Variants in KCNH8 observed in about 807,000 individuals in gnomAD.
The protein encoded by KCNH8 is voltage-gated delayed rectifier potassium channel KCNH8.
Under a neutral mutation model 103.6 loss-of-function variants are expected in KCNH8, and 70 were observed. That is an observed-to-expected ratio of 0.68 (90% CI 0.56 to 0.82). The LOEUF (loss-of-function observed/expected upper bound fraction) is 0.82, where lower values mean the gene tolerates loss of function less well. Among genes scored for constraint, KCNH8 ranks in the 40% least tolerant of loss-of-function variants. The probability of loss-of-function intolerance (pLI) is 0.00; values close to 1 mark genes in which losing one functional copy is unlikely to be tolerated. For synonymous variants in KCNH8, 498 were observed against 489.4 expected, an observed-to-expected ratio of 1.02 and a Z score of -0.23; for missense variants, 1,217 against 1,329.9, an observed-to-expected ratio of 0.92 and a Z score of 1.32.
intron 12 of KCNH8, among the ~76,000 whole-genome samples, chr3:19,511,660 A>G (rs1006283166): frequency 2.0e-5 from 3 of 152,152 alleles, no homozygotes; most frequent in African/African-American, 7.2e-5. Context: ...AACAAACAAG[A>G]GTAACATCAT....
chr3:19,521,186 C>T (rs1248345574), intron 15 of KCNH8, among the ~76,000 whole-genome samples: 2 of 151,936 alleles, frequency 1.3e-5, no homozygotes, highest in Non-Finnish European at 2.9e-5. Context: ...ATCTGGCTGA[C>T]CCAGAAAGAT....
chr3:19,371,290 A>G (rs2066090354), intron 5 of KCNH8, among the ~76,000 whole-genome samples: 2 of 151,372 alleles, frequency 1.3e-5, no homozygotes, highest in African/African-American at 4.8e-5. Flanking sequence ...TGACTTTTTA[A>G]TGATTGCCAT....
At chr3:19,266,330 A>T (rs1188087087) in intron 2 of KCNH8, among the ~76,000 whole-genome samples, 1 of 152,050 alleles carries the variant, frequency 6.6e-6, no homozygotes, top group Non-Finnish European at 1.5e-5. Flanking sequence ...TTTTTTAAAA[A>T]ATCTTCCATA....
intron 11 of KCNH8, among the ~76,000 whole-genome samples, chr3:19,459,320 T>C (rs765218537): frequency 6.6e-6 from 1 of 152,030 alleles, no homozygotes; most frequent in Non-Finnish European, 1.5e-5. Flanking sequence ...ATTTGCATTT[T>C]CCTAATGATT....
At chr3:19,395,614 C>G (rs1352757968) in intron 7 of KCNH8, among the ~76,000 whole-genome samples, 1 of 151,874 alleles carries the variant, frequency 6.6e-6, no homozygotes, top group African/African-American at 2.4e-5. Context: ...TTGAAATGTT[C>G]CGATGCAGGG....
chr3:19,343,544 G>A (rs1299217068), intron 4 of KCNH8, among the ~76,000 whole-genome samples: 4 of 152,052 alleles, frequency 2.6e-5, no homozygotes, highest in Non-Finnish European at 5.9e-5. Flanking sequence ...TGTATGGGGT[G>A]TTGTGTGACC....
chr3:19,374,257 G>C (rs1225507888), intron 5 of KCNH8, among the ~76,000 whole-genome samples: 1 of 151,516 alleles, frequency 6.6e-6, no homozygotes, highest in Admixed American at 6.6e-5. Flanking sequence ...TCTCTTTGTA[G>C]GTCACTCAGG....
intron 1 of KCNH8, among the ~76,000 whole-genome samples, chr3:19,164,501 C>A (rs1345018625): frequency 6.6e-6 from 1 of 152,100 alleles, no homozygotes; most frequent in Admixed American, 6.5e-5. Flanking sequence ...GAAACTGAAG[C>A]CTAGAAAGGT....
intron 7 of KCNH8, among the ~76,000 whole-genome samples, chr3:19,403,042 A>G (rs2066636412): frequency 6.6e-6 from 1 of 151,840 alleles, no homozygotes; most frequent in Admixed American, 6.6e-5. Context: ...CTTAGTATTC[A>G]GATTACACTT....
chr3:19,192,759 T>C (rs2063565608), intron 1 of KCNH8, among the ~76,000 whole-genome samples: 2 of 151,650 alleles, frequency 1.3e-5, no homozygotes, highest in Non-Finnish European at 3.0e-5. Flanking sequence ...TTTCAAGTTA[T>C]TCCTTTTAAA....
chr3:19,154,115 C>T (rs1476291816), intron 1 of KCNH8, among the ~76,000 whole-genome samples: 1 of 152,070 alleles, frequency 6.6e-6, no homozygotes, highest in African/African-American at 2.4e-5. Flanking sequence ...GGGCTATGCA[C>T]ATTTGGGTGA....
intron 5 of KCNH8, among the ~76,000 whole-genome samples, chr3:19,383,783 T>G (rs2066319418): frequency 6.6e-6 from 1 of 152,180 alleles, no homozygotes; most frequent in Admixed American, 6.5e-5. Flanking sequence ...TATTATAGAT[T>G]AGATAGTTCT....
chr3:19,400,231 CAAAAA>C (rs11422314), intron 7 of KCNH8, among the ~76,000 whole-genome samples: 2 of 53,108 alleles, frequency 3.8e-5, no homozygotes, highest in Non-Finnish European at 6.6e-5. Context: ...TGTTAGCCAG[CAAAAA>C]AAAAAAAAAA....
chr3:19,519,690 A>G (rs577267602), intron 15 of KCNH8, among the ~76,000 whole-genome samples: 1 of 151,910 alleles, frequency 6.6e-6, no homozygotes, highest in African/African-American at 2.4e-5. Flanking sequence ...CGAAACCCAA[A>G]ACAAAACTAA....
At chr3:19,526,087 A>G (rs1271446443) in intron 15 of KCNH8, among the ~76,000 whole-genome samples, 14 of 152,044 alleles carry the variant, frequency 9.2e-5, no homozygotes, top group Admixed American at 9.2e-4. Flanking sequence ...AAACCATTTA[A>G]TTTACCGAAT....
chr3:19,191,101 G>A (rs1410413710), intron 1 of KCNH8, among the ~76,000 whole-genome samples: 1 of 151,788 alleles, frequency 6.6e-6, no homozygotes, highest in Non-Finnish European at 1.5e-5. Context: ...AACTTTCACA[G>A]AAACTTTTAT....
At chr3:19,372,548 C>T (rs1297959086) in intron 5 of KCNH8, among the ~76,000 whole-genome samples, 9 of 152,142 alleles carry the variant, frequency 5.9e-5, no homozygotes, top group Non-Finnish European at 8.8e-5. Flanking sequence ...ACAATCATGT[C>T]GTCTGCAAAC....
chr3:19,185,883 A>G (rs1448753951), intron 1 of KCNH8, among the ~76,000 whole-genome samples: 4 of 151,944 alleles, frequency 2.6e-5, no homozygotes. Context: ...AGTTTTCCTC[A>G]TGATTTGCAT....
At chr3:19,495,540 C>G (rs1180064374) in intron 11 of KCNH8, among the ~76,000 whole-genome samples, 2 of 152,020 alleles carry the variant, frequency 1.3e-5, no homozygotes, top group African/African-American at 4.8e-5. Flanking sequence ...TTTCTGAGAT[C>G]TCTATTCTGT....
Sources: gnomAD v4.1 joint callset for allele counts (sites outside exome capture counted in the v4.1 genomes callset) on GRCh38, gnomAD v4.1.1 for gene constraint, MANE v1.5 for transcripts, NCBI Gene and HGNC (gene_info 2026-07-23, HGNC 2026-07-21) for gene names.